OPCML: variants seen among roughly 807,000 people sequenced by gnomAD.
OPCML encodes the protein opioid-binding protein/cell adhesion molecule.
Under a neutral mutation model 37.8 loss-of-function variants are expected in OPCML, and 13 were observed. The observed-to-expected ratio is 0.34, with a 90% confidence interval of 0.22 to 0.55. The LOEUF (loss-of-function observed/expected upper bound fraction) is 0.55. OPCML is among the 20% of genes least tolerant of loss of function. The pLI is 0.91. For synonymous variants in OPCML, 176 were observed against 168.8 expected (o/e 1.04, Z -0.33); for missense variants, 341 against 435.6 (o/e 0.78, Z 1.93).
chr11:132,468,619 T>C (rs2096126577), intron 4 of OPCML, among the ~76,000 whole-genome samples: 1 of 152,232 alleles, frequency 6.6e-6, no homozygotes, highest in Admixed American at 6.5e-5. Flanking sequence ...ATCCCAAGTA[T>C]TCCAAATGAG....
chr11:132,489,055 CAA>C (rs887974556), intron 4 of OPCML, among the ~76,000 whole-genome samples: 1 of 152,216 alleles, frequency 6.6e-6, no homozygotes, highest in Non-Finnish European at 1.5e-5. Flanking sequence ...GCTCAAAACA[CAA>C]ACACATTATA....
chr11:133,136,575 G>A (rs1949693944), intron 1 of OPCML, among the ~76,000 whole-genome samples: 1 of 152,122 alleles, frequency 6.6e-6, no homozygotes, highest in South Asian at 2.1e-4. Context: ...GCAGAGGTGG[G>A]AGGAAGGGCA....
chr11:133,500,581 G>T (rs67204326), intron 1 of OPCML, among the ~76,000 whole-genome samples: 41,710 of 152,124 alleles, frequency 0.27, 6,896 homozygotes, highest in African/African-American at 0.46. Context: ...CACCTCCCCT[G>T]CAGGGCTCCC....
intron 3 of OPCML, among the ~76,000 whole-genome samples, chr11:132,550,921 T>C (rs1011115878): frequency 6.6e-6 from 1 of 152,230 alleles, no homozygotes; most frequent in African/African-American, 2.4e-5. Flanking sequence ...TATTTTTTGA[T>C]TTAGACTTTG....
At chr11:132,651,900 G>T (rs1941448034) in intron 3 of OPCML, among the ~76,000 whole-genome samples, 1 of 152,148 alleles carries the variant, frequency 6.6e-6, no homozygotes, top group African/African-American at 2.4e-5. Flanking sequence ...TTCCATAAAA[G>T]GAAGTAACCT....
intron 1 of OPCML, among the ~76,000 whole-genome samples, chr11:133,482,438 T>C (rs1027190166): frequency 2.6e-5 from 4 of 152,116 alleles, no homozygotes; most frequent in Admixed American, 2.6e-4. Flanking sequence ...ATCAACAATG[T>C]CTGTGAAAAG....
intron 3 of OPCML, among the ~76,000 whole-genome samples, chr11:132,577,544 A>T (rs1193099575): frequency 6.6e-6 from 1 of 152,160 alleles, no homozygotes; most frequent in Non-Finnish European, 1.5e-5. Flanking sequence ...GATGTAAAAT[A>T]CAACCACAGC....
intron 3 of OPCML, among the ~76,000 whole-genome samples, chr11:132,651,119 C>T (rs967670133): frequency 6.6e-6 from 1 of 152,172 alleles, no homozygotes; most frequent in Non-Finnish European, 1.5e-5. Context: ...CCTCAGGGCC[C>T]ACCCTTTTCT....
chr11:133,111,871 G>T (rs1318433909), intron 1 of OPCML, among the ~76,000 whole-genome samples: 2 of 152,144 alleles, frequency 1.3e-5, no homozygotes, highest in Non-Finnish European at 2.9e-5. Flanking sequence ...TTAATAACCT[G>T]CAGGATGGGT....
chr11:132,695,525 G>A (rs1943569465), intron 2 of OPCML, among the ~76,000 whole-genome samples: 1 of 152,204 alleles, frequency 6.6e-6, no homozygotes. Context: ...GACAGATGCT[G>A]AGGGGTTTCA....
chr11:132,975,529 CA>C (rs56882175), intron 1 of OPCML, among the ~76,000 whole-genome samples: 1 of 42,800 alleles, frequency 2.3e-5, no homozygotes, highest in Non-Finnish European at 4.3e-5. Flanking sequence ...AGGTTTCAAG[CA>C]AAAAAAAAAA....
At chr11:132,990,217 T>C (rs951511458) in intron 1 of OPCML, among the ~76,000 whole-genome samples, 7 of 152,168 alleles carry the variant, frequency 4.6e-5, no homozygotes, top group African/African-American at 1.7e-4. Flanking sequence ...TCCTAGTGGG[T>C]GCCTACAGGG....
At chr11:133,498,298 T>A (rs1947828965) in intron 1 of OPCML, among the ~76,000 whole-genome samples, 1 of 152,146 alleles carries the variant, frequency 6.6e-6, no homozygotes. Context: ...AGGCCTGAAA[T>A]TCTACCTTTG....
At chr11:132,699,405 T>A (rs1205721169) in intron 2 of OPCML, among the ~76,000 whole-genome samples, 4 of 152,152 alleles carry the variant, frequency 2.6e-5, no homozygotes, top group Non-Finnish European at 5.9e-5. Flanking sequence ...AAGAGATAGA[T>A]GGACATCTTT....
intron 2 of OPCML, among the ~76,000 whole-genome samples, chr11:132,712,544 C>T (rs907356131): frequency 6.6e-6 from 1 of 152,216 alleles, no homozygotes; most frequent in East Asian, 1.9e-4. Flanking sequence ...ACAGAAAGTA[C>T]TGGGTCAAAC....
intron 1 of OPCML, among the ~76,000 whole-genome samples, chr11:133,190,510 A>T (rs1160790780): frequency 6.6e-6 from 1 of 152,154 alleles, no homozygotes; most frequent in African/African-American, 2.4e-5. Context: ...CACTCATTCA[A>T]AGTATACAAT....
chr11:133,484,264 G>T (rs898179733), intron 1 of OPCML, among the ~76,000 whole-genome samples: 2 of 151,996 alleles, frequency 1.3e-5, no homozygotes, highest in African/African-American at 4.8e-5. Flanking sequence ...GTGGAAAATG[G>T]GGATATCAAA....
At chr11:133,198,819 G>T (rs919088170) in intron 1 of OPCML, among the ~76,000 whole-genome samples, 1 of 152,224 alleles carries the variant, frequency 6.6e-6, no homozygotes, top group Non-Finnish European at 1.5e-5. Context: ...TGCATGCTGT[G>T]GAGGCGTAGA....
At chr11:133,385,056 T>C (rs1945015950) in intron 1 of OPCML, among the ~76,000 whole-genome samples, 1 of 152,064 alleles carries the variant, frequency 6.6e-6, no homozygotes, top group African/African-American at 2.4e-5. Context: ...TAGTGACCTG[T>C]AATGGATAGA....
Sources: gnomAD v4.1 joint callset for allele counts (sites outside exome capture counted in the v4.1 genomes callset) on GRCh38, gnomAD v4.1.1 for gene constraint, MANE v1.5 for transcripts, NCBI Gene and HGNC (gene_info 2026-07-23, HGNC 2026-07-21) for gene names.